Variants in IGF2R observed in about 807,000 individuals in gnomAD.
The protein encoded by IGF2R is cation-independent mannose-6-phosphate receptor.
Under a neutral mutation model 270.6 loss-of-function variants are expected in IGF2R, and 91 were observed. The ratio of observed to expected loss-of-function variants is 0.34; its 90% CI spans 0.28 to 0.40. The LOEUF (loss-of-function observed/expected upper bound fraction) is 0.40. IGF2R is among the 10% of genes least tolerant of loss of function. IGF2R has a pLI of 1.00. For synonymous variants in IGF2R, 1,316 were observed against 1,258.9 expected (o/e 1.05, Z -0.96); for missense variants, 2,805 against 3,188.3 (o/e 0.88, Z 2.90).
chr6:160,079,684 C>G lies in IGF2R; in HGVS notation c.5583C>G (p.Thr1861=), dbSNP rs764684207. ...KDGGVCLLSG[T]KGASFGRLQS... is the part of the protein sequence containing the mutation. ...GAGGAGTCTGTCTGCTCTCAGGCAC[C>G]AAGGGGGCATCCTTTGGACGGCTGC... The change falls in exon 38 of 48, where the codon ACC becomes ACG. Residue 1861 remains threonine, a synonymous_variant. Transcript: ENST00000356956. 1 of 1,549,186 alleles carries G rather than the reference C, an allele frequency of 6.5e-7. No homozygotes were observed. The highest frequency in any genetic ancestry group is 8.7e-7 in the Non-Finnish European group (1 of 1,149,948).
At position 160,032,729 on chromosome 6, in the gene IGF2R, C is replaced by G; in HGVS notation, c.1045+16C>G. The G allele has an allele frequency of 1.2e-6, 2 of 1,612,274 alleles. No individual in the cohort carries two copies. Among genetic ancestry groups the G allele is most frequent in the Non-Finnish European group, 1.7e-6 (2 of 1,179,102 alleles). On this transcript the variant is annotated intron_variant, in intron 8 of 47. Coordinates refer to ENST00000356956, the MANE Select transcript of IGF2R (RefSeq NM_000876.4). ...CAGAGCGGAGGTAAGCAGGTGCTTT[C>G]TGCCTCCTGGCGCTGCTTAGGAAGA...
intron 29 of IGF2R, among the ~76,000 whole-genome samples, chr6:160,065,782 A>G (rs76559084): frequency 0.13 from 12,167 of 92,428 alleles, 1,097 homozygotes; most frequent in Middle Eastern, 0.2. Flanking sequence ...AGATATGTGT[A>G]TGTGTGTGTG....
intron 2 of IGF2R, chr6:160,007,550 A>T (rs1784263510): frequency 6.6e-6 from 1 of 152,122 alleles, no homozygotes; most frequent in African/African-American, 2.4e-5. Flanking sequence ...ATATTGGGTT[A>T]TTGTGTGTGA....
intron 12 of IGF2R, among the ~76,000 whole-genome samples, chr6:160,044,156 C>G (rs915054446): frequency 1.3e-5 from 2 of 152,296 alleles, no homozygotes; most frequent in African/African-American, 2.4e-5. Context: ...GTAGCTGAAG[C>G]CCTGACAGTA....
At chr6:160,054,250 A>G (rs540919883) in intron 19 of IGF2R, among the ~76,000 whole-genome samples, 3 of 152,374 alleles carry the variant, frequency 2.0e-5, no homozygotes, top group South Asian at 2.1e-4. Flanking sequence ...ATATTCACGA[A>G]GGGATGGCAC....
At chr6:160,014,969 G>A (rs567829975) in intron 4 of IGF2R, among the ~76,000 whole-genome samples, 1 of 152,188 alleles carries the variant, frequency 6.6e-6, no homozygotes, top group East Asian at 1.9e-4. Flanking sequence ...TAGGCGACAG[G>A]CAACTTTGCT....
In IGF2R at chr6:160,040,690, G is replaced by A; in HGVS notation, c.1446G>A (p.Lys482=). ...TCTGCGGTGCCACCGACGGGAAGAAGCGCTATGACCTGTCCGCGCTGGTCC... is the reference window on the plus strand; with the variant it reads ...TCTGCGGTGCCACCGACGGGAAGAAACGCTATGACCTGTCCGCGCTGGTCC... ...DLLCGATDGK[K]RYDLSALVRH... is the part of the protein sequence containing the mutation. Residue 482 remains lysine, a synonymous_variant, in exon 11 of 48, where the codon AAG becomes AAA. Transcript: ENST00000356956. 2 of 1,614,240 alleles carry A rather than the reference G, an allele frequency of 1.2e-6. No homozygotes were observed. Among genetic ancestry groups the A allele is most frequent in the Non-Finnish European group, 1.7e-6 (2 of 1,180,050 alleles).
At position 160,089,904 on chromosome 6, in the gene IGF2R, CTG is replaced by C. The variant is rs1779181350; in HGVS notation, c.6468-10_6468-9del. The stretch of plus-strand genomic sequence containing the variant: ...GACTTCCATGTCACTGTGATCTTTT[CTG>C]TCTCTTCAGGCTGTTCAGAGCCTCT... On this transcript the variant is annotated splice_polypyrimidine_tract_variant and intron_variant, in intron 43 of 47. Transcript: ENST00000356956. 1 of 1,533,790 alleles carries C rather than the reference CTG, an allele frequency of 6.5e-7. No individual in the cohort carries two copies. Among genetic ancestry groups the C allele is most frequent in the South Asian group, 1.2e-5 (1 of 80,430 alleles).
chr6:160,078,297 A>G lies in IGF2R; in HGVS notation c.5413A>G (p.Thr1805Ala). 5 of 1,614,188 alleles carry G rather than the reference A, an allele frequency of 3.1e-6. No homozygotes were observed. Among genetic ancestry groups the G allele is most frequent in the Non-Finnish European group, 4.2e-6 (5 of 1,179,992 alleles). Residue 1805 changes from threonine to alanine, a missense_variant, in exon 37 of 48, where the codon ACC becomes GCC. This residue lies in a region of IGF2R where 1,851 missense variants were observed against 2,207.2 expected (regional missense o/e 0.84). Transcript: ENST00000356956. ...TGATGAAGTGAGGATGGATGGCTGT[A>G]CCCTGACAGATGAGCAGCTCCTCTA... ...CPDEVRMDGC[T>A]LTDEQLLYSF...
At chr6:160,027,356 A>G (rs772535645) in intron 6 of IGF2R, 42 bp downstream of exon 6, 27 of 1,573,768 alleles carry the variant, frequency 1.7e-5, no homozygotes, top group Middle Eastern at 4.2e-4. Flanking sequence ...TTTAATCTCC[A>G]GCAAGGACCT....
At position 160,050,724 on chromosome 6, in the gene IGF2R, TAAC is replaced by T. The variant is rs997058031; in HGVS notation, c.2694+74_2694+76del. 7.3e-7 allele frequency: 1 copy of T among 1,374,682 alleles called. No individual in the cohort carries two copies. Among genetic ancestry groups the T allele is most frequent in the African/African-American group, 1.4e-5 (1 of 69,742 alleles). The allele number at this position is 1,374,682 out of a possible 1,614,324, so 85.2% of individuals were successfully genotyped here. A position where few individuals can be genotyped will look rare whatever the true frequency, so the allele number is the denominator to read the frequency against. ...ACTGAGCGTTGCCTTATGTGTCTCTTAACAGCAGCAGTCTTGGGGTGGGTGGCG... is the reference window on the plus strand; with the variant it reads ...ACTGAGCGTTGCCTTATGTGTCTCTTAGCAGCAGTCTTGGGGTGGGTGGCG... On this transcript the variant is annotated intron_variant, in intron 19 of 47. Transcript: ENST00000356956. This position sits in a 1 kb window ranked among gnomAD's most constrained non-coding sequence, Gnocchi z 4.0.
intron 36 of IGF2R, 114 bp downstream of exon 36, chr6:160,076,110 T>G: frequency 9.7e-7 from 1 of 1,029,234 alleles, no homozygotes; most frequent in Non-Finnish European, 1.5e-6. Flanking sequence ...AATGTCTGCC[T>G]TGGGTAAGAT....
At position 160,033,099 on chromosome 6, in the gene IGF2R, G is replaced by T. The variant is rs1777734888; in HGVS notation, c.1203G>T (p.Gln401His). 6.2e-7 allele frequency: 1 copy of T among 1,612,192 alleles called. No individual in the cohort carries two copies. Among genetic ancestry groups the T allele is most frequent in the Non-Finnish European group, 8.5e-7 (1 of 1,178,578 alleles). Residue 401 changes from glutamine to histidine, a missense_variant, in exon 9 of 48, where the codon CAG (glutamine) becomes CAT (histidine). Coordinates refer to ENST00000356956, the MANE Select transcript of IGF2R (RefSeq NM_000876.4). ...AAGCAGCAGGAAGATACCACAATCA[G>T]ACCCTCCGGTACGTCAACAACCTCT... ...QVKAAGRYHN[Q>H]TLRYSDGDLT...
intron 32 of IGF2R, 129 bp downstream of exon 32, chr6:160,072,165 G>T (rs1031266145): frequency 9.0e-7 from 1 of 1,113,980 alleles, no homozygotes; most frequent in African/African-American, 1.5e-5. Context: ...AGGTGTCATG[G>T]TGTGTGGGTG....
At chr6:160,027,998 A>G (rs1583268186) in intron 6 of IGF2R, among the ~76,000 whole-genome samples, 1 of 152,210 alleles carries the variant, frequency 6.6e-6, no homozygotes, top group Admixed American at 6.5e-5. Context: ...CACTCTGTCC[A>G]AAGAAAAAAC....
rs768184921 is a variant in IGF2R, at chr6:160,068,291, G to A, written c.4158G>A (p.Arg1386=). 1 of 1,614,224 alleles carries A rather than the reference G, an allele frequency of 6.2e-7. No homozygotes were observed. The highest frequency in any genetic ancestry group is 8.5e-7 in the Non-Finnish European group (1 of 1,180,010). The change falls in exon 30 of 48, where the codon AGG becomes AGA. Residue 1386 remains arginine, a synonymous_variant. Coordinates refer to ENST00000356956, the MANE Select transcript of IGF2R (RefSeq NM_000876.4). ...CCTTCGACCTCTCGTCCCTGTCAAG[G>A]TACAGTGACAACTGGGAAGCCATCA... ...GNSFDLSSLS[R]YSDNWEAITG...
At chr6:159,969,455 G>C (rs935920121) in intron 1 of IGF2R, 60 bp downstream of exon 1, 7 of 1,133,428 alleles carry the variant, frequency 6.2e-6, no homozygotes, top group East Asian at 4.0e-5. Flanking sequence ...CGGCCGGCGT[G>C]GGGGGCGGGG....
At chr6:160,076,324 T>C (rs549229016) in intron 36 of IGF2R, among the ~76,000 whole-genome samples, 2 of 152,338 alleles carry the variant, frequency 1.3e-5, no homozygotes, top group Non-Finnish European at 2.9e-5. Context: ...TTATTCTAAC[T>C]GGGAAGTCAG....
chr6:160,058,859 T>C, intron 21 of IGF2R, 47 bp from the exon 22 acceptor site: 1 of 1,528,886 alleles, frequency 6.5e-7, no homozygotes, highest in Non-Finnish European at 9.0e-7. Flanking sequence ...TGTGGTGAGA[T>C]ACGAGGCATA....
Sources: gnomAD v4.1 joint callset for allele counts (sites outside exome capture counted in the v4.1 genomes callset) on GRCh38, gnomAD v4.1.1 for gene constraint, gnomAD v4.1.1 regional missense constraint, Gnocchi (gnomAD v3.1) non-coding constraint, MANE v1.5 for transcripts, NCBI Gene and HGNC (gene_info 2026-07-23, HGNC 2026-07-21) for gene names.